Variants in RGS7 observed in about 807,000 individuals in gnomAD.
The protein encoded by RGS7 is regulator of G protein signaling 7.
RGS7 carries 27 observed loss-of-function variants against 81.1 expected under a neutral mutation model. The ratio of observed to expected loss-of-function variants is 0.33; its 90% confidence interval spans 0.25 to 0.46. The LOEUF (loss-of-function observed/expected upper bound fraction) is 0.46. Ranked by LOEUF, RGS7 falls within the 20% of genes least tolerant of loss-of-function variation. The pLI is 1.00. For synonymous variants in RGS7, 208 were observed against 207.7 expected (o/e 1.00, Z -0.01); for missense variants, 396 against 607.4 (o/e 0.65, Z 3.66).
chr1:241,147,780 T>TTATATATATATACATA, intron 2 of RGS7, among the ~76,000 whole-genome samples: 1 of 44,646 alleles, frequency 2.2e-5, no homozygotes, highest in South Asian at 1.2e-3. Context: ...AGATTAAGTT[T>TTATATATATATACATA]TATATATATA....
At chr1:240,856,282 T>C (rs373540754) in intron 9 of RGS7, among the ~76,000 whole-genome samples, 117 of 152,358 alleles carry the variant, frequency 7.7e-4, no homozygotes, top group African/African-American at 1.9e-3. Flanking sequence ...GCTATATTCA[T>C]AGCTCTACTA....
chr1:241,062,408 C>G (rs187453030), intron 3 of RGS7, among the ~76,000 whole-genome samples: 3 of 152,282 alleles, frequency 2.0e-5, no homozygotes, highest in Admixed American at 6.5e-5. Flanking sequence ...TTTATTCAAC[C>G]TTATTCCATC....
intron 3 of RGS7, among the ~76,000 whole-genome samples, chr1:241,072,332 C>A (rs2062519261): frequency 6.6e-6 from 1 of 152,192 alleles, no homozygotes. Flanking sequence ...GGGCAGAATG[C>A]TCTGTTTTCC....
At chr1:241,184,904 A>G (rs184733438) in intron 2 of RGS7, among the ~76,000 whole-genome samples, 149 of 152,346 alleles carry the variant, frequency 9.8e-4, no homozygotes, top group Non-Finnish European at 1.6e-3. Flanking sequence ...TACTGAGGAA[A>G]ACAGCAGTTC....
intron 4 of RGS7, among the ~76,000 whole-genome samples, chr1:240,957,163 A>AGGAAAAGCAGGTGGAAGAAGGT (rs1296091008): frequency 2.6e-5 from 4 of 152,180 alleles, no homozygotes; most frequent in African/African-American, 9.7e-5. Context: ...TAGTGCTGCT[A>AGGAAAAGCAGGTGGAAGAAGGT]GGAAAAGCAG....
chr1:240,974,221 T>C (rs145830598), intron 4 of RGS7, among the ~76,000 whole-genome samples: 280 of 152,324 alleles, frequency 1.8e-3, no homozygotes, highest in African/African-American at 6.6e-3. Flanking sequence ...ATATTGCTTC[T>C]AGAGGAAGAA....
intron 3 of RGS7, among the ~76,000 whole-genome samples, chr1:241,095,544 A>C (rs759210317): frequency 2.1e-4 from 32 of 152,134 alleles, no homozygotes; most frequent in Non-Finnish European, 4.3e-4. Context: ...GGTCCCAGCT[A>C]CTTGGGATGC....
chr1:240,884,920 T>G (rs191786942), intron 6 of RGS7, among the ~76,000 whole-genome samples: 1 of 152,202 alleles, frequency 6.6e-6, no homozygotes, highest in East Asian at 1.9e-4. Context: ...TAATTAAACT[T>G]AAGAGCTTCT....
At chr1:241,197,179 A>C (rs2147825795) in intron 2 of RGS7, among the ~76,000 whole-genome samples, 1 of 151,786 alleles carries the variant, frequency 6.6e-6, no homozygotes, top group African/African-American at 2.4e-5. Context: ...ACTCACCTTA[A>C]ATATAAGAAT....
At chr1:241,304,500 TTAA>T (rs1413727581) in intron 2 of RGS7, among the ~76,000 whole-genome samples, 2 of 152,108 alleles carry the variant, frequency 1.3e-5, no homozygotes, top group East Asian at 3.9e-4. Flanking sequence ...TTCCTGATGG[TTAA>T]TAGGTTTTAT....
At chr1:240,824,944 G>A (rs1438989401) in intron 10 of RGS7, among the ~76,000 whole-genome samples, 1 of 152,096 alleles carries the variant, frequency 6.6e-6, no homozygotes, top group East Asian at 1.9e-4. Flanking sequence ...CCATCCCCAA[G>A]CAGGAAGAGA....
intron 2 of RGS7, among the ~76,000 whole-genome samples, chr1:241,161,252 A>T (rs1193328710): frequency 1.3e-5 from 2 of 152,142 alleles, no homozygotes; most frequent in East Asian, 3.9e-4. Flanking sequence ...GCCATCAGAG[A>T]ATCCGTGAGT....
At chr1:241,233,978 G>T (rs1573265614) in intron 2 of RGS7, among the ~76,000 whole-genome samples, 1 of 151,986 alleles carries the variant, frequency 6.6e-6, no homozygotes, top group East Asian at 1.9e-4. Flanking sequence ...GCTTTGATTT[G>T]CATTTCTTTA....
intron 2 of RGS7, among the ~76,000 whole-genome samples, chr1:241,321,149 CTGGGG>C (rs1434658029): frequency 4.6e-5 from 7 of 152,118 alleles, no homozygotes; most frequent in African/African-American, 1.7e-4. Flanking sequence ...CAGTTTGTAG[CTGGGG>C]TGGGGCGAGT....
At chr1:241,220,966 G>A (rs1309144605) in intron 2 of RGS7, among the ~76,000 whole-genome samples, 13 of 49,544 alleles carry the variant, frequency 2.6e-4, no homozygotes, top group Non-Finnish European at 2.0e-4. Context: ...AGGAAGGAAG[G>A]AAGGAAGGAA....
intron 11 of RGS7, 87 bp downstream of exon 11, chr1:240,816,230 A>G: frequency 1.2e-6 from 1 of 847,132 alleles, no homozygotes; most frequent in Non-Finnish European, 2.1e-6. Flanking sequence ...ATAACCTATA[A>G]AAATACCCAC....
intron 2 of RGS7, among the ~76,000 whole-genome samples, chr1:241,125,408 C>T (rs533158773): frequency 2.7e-5 from 4 of 147,626 alleles, no homozygotes; most frequent in South Asian, 2.1e-4. Flanking sequence ...TCTAGATACC[C>T]GACATGCACA....
chr1:240,872,590 C>T (rs955186284), intron 6 of RGS7, among the ~76,000 whole-genome samples: 1 of 152,212 alleles, frequency 6.6e-6, no homozygotes, highest in Non-Finnish European at 1.5e-5. Flanking sequence ...CAGACCTCAT[C>T]AGTCTAGTCC....
At chr1:241,095,751 T>C (rs2064200998) in intron 3 of RGS7, among the ~76,000 whole-genome samples, 1 of 152,230 alleles carries the variant, frequency 6.6e-6, no homozygotes, top group Admixed American at 6.5e-5. Context: ...ATCCATTATC[T>C]TAAATATTTA....
Sources: gnomAD v4.1 joint callset for allele counts (sites outside exome capture counted in the v4.1 genomes callset) on GRCh38, gnomAD v4.1.1 for gene constraint, MANE v1.5 for transcripts, NCBI Gene and HGNC (gene_info 2026-07-23, HGNC 2026-07-21) for gene names.